CAB39: variants seen among roughly 807,000 people sequenced by gnomAD.
CAB39 encodes calcium-binding protein 39.
A neutral mutation model predicts 40.0 loss-of-function variants in CAB39; 8 were observed. That is an observed-to-expected ratio of 0.20 (90% CI 0.12 to 0.36). CAB39 has a LOEUF of 0.36. CAB39 is among the 10% of genes least tolerant of loss of function. The pLI, the probability that CAB39 is intolerant of heterozygous loss-of-function variation, is 1.00. For synonymous variants in CAB39, 156 were observed against 141.6 expected (o/e 1.10, Z -0.72); for missense variants, 270 against 401.1 (o/e 0.67, Z 2.79).
intron 7 of CAB39, 144 bp downstream of exon 7, chr2:230,814,258 G>C: frequency 1.8e-6 from 1 of 554,226 alleles, no homozygotes; most frequent in Non-Finnish European, 3.2e-6. Context: ...TTTGCGGAAA[G>C]GAATGGAGTT....
intron 3 of CAB39, among the ~76,000 whole-genome samples, chr2:230,791,580 C>G (rs1397509094): frequency 6.6e-6 from 1 of 152,180 alleles, no homozygotes; most frequent in Non-Finnish European, 1.5e-5. Context: ...GAATTTCTGG[C>G]TTCTCTTGAA....
At chr2:230,810,170 C>T (rs778292078) in intron 5 of CAB39, 93 bp from the exon 6 acceptor site, 23 of 612,798 alleles carry the variant, frequency 3.8e-5, no homozygotes, top group Non-Finnish European at 5.8e-5. Context: ...TTTTTAACAA[C>T]AGTTTTTATT....
intron 1 of CAB39, among the ~76,000 whole-genome samples, chr2:230,749,089 G>A (rs1695040400): frequency 6.8e-6 from 1 of 147,916 alleles, no homozygotes; most frequent in Non-Finnish European, 1.5e-5. Flanking sequence ...ATTATTTTTA[G>A]TATTATTATA....
chr2:230,721,716 A>G (rs1404933037), intron 1 of CAB39, among the ~76,000 whole-genome samples: 1 of 152,232 alleles, frequency 6.6e-6, no homozygotes, highest in Non-Finnish European at 1.5e-5. Context: ...TGGGTTAAAC[A>G]TAGTTAAACA....
chr2:230,809,429 A>C (rs1449388042), intron 5 of CAB39, among the ~76,000 whole-genome samples: 2 of 152,172 alleles, frequency 1.3e-5, no homozygotes, highest in Non-Finnish European at 2.9e-5. Context: ...ACCTCAATCC[A>C]TTAGTTTACC....
chr2:230,798,954 C>A, intron 5 of CAB39, 57 bp downstream of exon 5: 1 of 1,366,600 alleles, frequency 7.3e-7, no homozygotes, highest in Non-Finnish European at 1.0e-6. Flanking sequence ...TGCTGTTTTT[C>A]TAAACCTTCA....
intron 2 of CAB39, among the ~76,000 whole-genome samples, chr2:230,769,458 A>C (rs1282337352): frequency 2.6e-5 from 4 of 152,210 alleles, no homozygotes; most frequent in Non-Finnish European, 5.9e-5. Context: ...ACACACCTAC[A>C]CATTCTTTTG....
chr2:230,816,742 G>C (rs1696408650), intron 7 of CAB39, among the ~76,000 whole-genome samples: 1 of 152,280 alleles, frequency 6.6e-6, no homozygotes, highest in Non-Finnish European at 1.5e-5. Flanking sequence ...ACTGATGCTC[G>C]TTTCTCACTG....
intron 1 of CAB39, among the ~76,000 whole-genome samples, chr2:230,729,745 A>G (rs1460968503): frequency 7.0e-6 from 1 of 142,060 alleles, no homozygotes; most frequent in Middle Eastern, 3.3e-3. Context: ...GTCTTAAGGA[A>G]AAAAAAAAAA....
chr2:230,755,514 T>C (rs1299634822), intron 1 of CAB39, among the ~76,000 whole-genome samples: 1 of 152,216 alleles, frequency 6.6e-6, no homozygotes, highest in Admixed American at 6.5e-5. Flanking sequence ...ACTGATTTGT[T>C]TGAGTTTGTT....
intron 1 of CAB39, among the ~76,000 whole-genome samples, chr2:230,759,387 C>G (rs1695250002): frequency 6.6e-6 from 1 of 152,176 alleles, no homozygotes. Flanking sequence ...TGCTGTTTGG[C>G]TAAACACCCT....
chr2:230,740,096 A>C (rs1179664051), intron 1 of CAB39, among the ~76,000 whole-genome samples: 1 of 152,192 alleles, frequency 6.6e-6, no homozygotes, highest in Admixed American at 6.5e-5. Flanking sequence ...TTTTCTTTTT[A>C]TGAATATGTG....
At chr2:230,749,596 A>C (rs921147378) in intron 1 of CAB39, among the ~76,000 whole-genome samples, 12 of 152,206 alleles carry the variant, frequency 7.9e-5, no homozygotes, top group African/African-American at 2.9e-4. Flanking sequence ...ATGCAAACTT[A>C]TATTTAAAGT....
rs1696488285 is a variant in CAB39, at chr2:230,820,358, T to C, written c.*1654T>C. ...CCTTCAGGAACACCAGTTAGGAAAA[T>C]AGCTCCAGAAAATATAGATATATTT... On this transcript the variant is annotated 3_prime_UTR_variant, in exon 9 of 9. Transcript: ENST00000258418. 6.6e-6 allele frequency: 1 copy of C among 152,204 alleles called. No individual in the cohort carries two copies. Among genetic ancestry groups the C allele is most frequent in the African/African-American group, 2.4e-5 (1 of 41,450 alleles). 9.4% of individuals were successfully genotyped at this position (152,204 alleles called of 1,614,324 possible). A position where few individuals can be genotyped will look rare whatever the true frequency, so the allele number is the denominator to read the frequency against.
intron 2 of CAB39, among the ~76,000 whole-genome samples, chr2:230,781,360 T>G (rs747108288): frequency 3.2e-4 from 48 of 152,182 alleles, no homozygotes; most frequent in Non-Finnish European, 6.3e-4. Context: ...CAGCCCGGTT[T>G]AAAGGATTGT....
chr2:230,806,537 C>T (rs1017474928), intron 5 of CAB39, among the ~76,000 whole-genome samples: 6 of 152,158 alleles, frequency 3.9e-5, no homozygotes, highest in South Asian at 2.1e-4. Context: ...GTGAGGGGGA[C>T]TCAGAACCCT....
At chr2:230,803,700 G>A (rs902432775) in intron 5 of CAB39, among the ~76,000 whole-genome samples, 5 of 152,198 alleles carry the variant, frequency 3.3e-5, no homozygotes, top group African/African-American at 9.6e-5. Flanking sequence ...TACAAGGGAT[G>A]TGAAGGACCT....
chr2:230,807,118 A>G (rs1696209561), intron 5 of CAB39, among the ~76,000 whole-genome samples: 1 of 152,096 alleles, frequency 6.6e-6, no homozygotes, highest in Non-Finnish European at 1.5e-5. Flanking sequence ...TGACTGACCT[A>G]GCAACTCTGC....
chr2:230,785,724 T>C (rs956549809), intron 2 of CAB39, among the ~76,000 whole-genome samples: 3 of 151,970 alleles, frequency 2.0e-5, no homozygotes, highest in Admixed American at 1.3e-4. Flanking sequence ...AGACAGGGTC[T>C]TGCTCTGTCA....
Sources: allele counts gnomAD v4.1 joint callset (sites outside exome capture counted in the v4.1 genomes callset), GRCh38; gene constraint gnomAD v4.1.1; transcripts MANE v1.5; gene names NCBI Gene and HGNC (gene_info 2026-07-23, HGNC 2026-07-21).